QPCT: variants seen among roughly 807,000 people sequenced by gnomAD.
QPCT encodes the protein glutaminyl-peptide cyclotransferase, also known as EC.
A neutral mutation model predicts 43.4 loss-of-function variants in QPCT; 44 were observed. That is an observed-to-expected ratio of 1.01 (90% confidence interval 0.80 to 1.30). QPCT has a LOEUF of 1.30. QPCT is among the 50% of genes most tolerant of loss of function. QPCT has a pLI of 0.00. For missense variants in QPCT, 526 were observed against 436.5 expected, an observed-to-expected ratio of 1.21 and a Z score of -1.83; for synonymous variants, 168 against 168.4, an observed-to-expected ratio of 1.00 and a Z score of 0.02.
At position 37,347,152 on chromosome 2, in the gene QPCT, A is replaced by G. The variant is rs1376160202; in HGVS notation, c.120+2301A>G. The stretch of plus-strand genomic sequence containing the variant: ...TCTGGGTATGGGGTGTTTTATATAT[A>G]TATATATATATAACATATATATATA... On this transcript the variant is annotated intron_variant, in intron 1 of 6. Coordinates refer to ENST00000338415, the MANE Select transcript of QPCT (RefSeq NM_012413.4). Among the ~76,000 whole-genome samples the G allele has an allele frequency of 4.2e-5, 3 of 70,828 alleles. 1 individual carries two copies. The highest frequency in any genetic ancestry group is 2.0e-4 in the African/African-American group (3 of 14,970). The allele number at this position is 70,828 out of a possible 152,430, so 46.5% of individuals were successfully genotyped here.
At chr2:37,363,275 TC>T (rs1672890611) in intron 3 of QPCT, among the ~76,000 whole-genome samples, 1 of 152,080 alleles carries the variant, frequency 6.6e-6, no homozygotes, top group Non-Finnish European at 1.5e-5. Context: ...AATATCTTAT[TC>T]TTTAACATGA....
At chr2:37,365,379 T>C (rs1386410328) in intron 3 of QPCT, among the ~76,000 whole-genome samples, 3 of 152,214 alleles carry the variant, frequency 2.0e-5, no homozygotes, top group East Asian at 1.9e-4. Flanking sequence ...AGTTGACCAC[T>C]GGATGTAGCC....
At chr2:37,353,732 C>T (rs1054959333) in intron 2 of QPCT, among the ~76,000 whole-genome samples, 17 of 152,160 alleles carry the variant, frequency 1.1e-4, no homozygotes, top group African/African-American at 4.1e-4. Context: ...TTCAAACTAG[C>T]CCCATTTTAA....
chr2:37,353,475 A>T (rs916828728), intron 2 of QPCT, among the ~76,000 whole-genome samples: 3 of 152,242 alleles, frequency 2.0e-5, no homozygotes, highest in African/African-American at 7.2e-5. Flanking sequence ...ACGTACTGGC[A>T]TATTTAACTG....
At chr2:37,368,928 A>C (rs1673018527) in intron 4 of QPCT, among the ~76,000 whole-genome samples, 1 of 152,176 alleles carries the variant, frequency 6.6e-6, no homozygotes, top group South Asian at 2.1e-4. Context: ...CCTATGATGA[A>C]TATATTGAAT....
At chr2:37,349,806 G>A (rs1362234211) in intron 1 of QPCT, among the ~76,000 whole-genome samples, 4 of 144,746 alleles carry the variant, frequency 2.8e-5, no homozygotes, top group Non-Finnish European at 6.0e-5. Flanking sequence ...TGTGCATTCA[G>A]CTGATTTATT....
intron 2 of QPCT, 53 bp downstream of exon 2, chr2:37,352,988 T>C: frequency 6.4e-7 from 1 of 1,568,156 alleles, no homozygotes. Context: ...TGCTTTCTCA[T>C]GAGGGATAAT....
intron 5 of QPCT, among the ~76,000 whole-genome samples, chr2:37,370,566 C>A (rs982004562): frequency 5.3e-5 from 8 of 152,116 alleles, no homozygotes; most frequent in Non-Finnish European, 1.2e-4. Context: ...CTTCTATTTT[C>A]TACCTTATCC....
chr2:37,366,043 G>A (rs1165983607), intron 3 of QPCT, among the ~76,000 whole-genome samples: 2 of 152,210 alleles, frequency 1.3e-5, no homozygotes, highest in Admixed American at 6.5e-5. Context: ...GGGCAAGGGA[G>A]TTGAGGGTGT....
At chr2:37,350,172 C>G (rs1307531922) in intron 1 of QPCT, among the ~76,000 whole-genome samples, 4 of 152,148 alleles carry the variant, frequency 2.6e-5, no homozygotes, top group Non-Finnish European at 5.9e-5. Flanking sequence ...ACCGCAGATG[C>G]CAAAGCCTCA....
chr2:37,371,767 C>A (rs1202033570), intron 5 of QPCT, among the ~76,000 whole-genome samples: 1 of 152,138 alleles, frequency 6.6e-6, no homozygotes, highest in African/African-American at 2.4e-5. Flanking sequence ...TGCTGGACTC[C>A]AGCCCCAGAA....
chr2:37,358,753 C>T (rs1283613872), intron 2 of QPCT: 1 of 152,202 alleles, frequency 6.6e-6, no homozygotes, highest in African/African-American at 2.4e-5. Context: ...TCTCAACCTG[C>T]CTTGGGTGCA....
At chr2:37,350,164 C>T (rs776462355) in intron 1 of QPCT, among the ~76,000 whole-genome samples, 2 of 152,106 alleles carry the variant, frequency 1.3e-5, no homozygotes, top group Admixed American at 1.3e-4. Context: ...CAGAAAGCAC[C>T]GCAGATGCCA....
chr2:37,358,138 C>T (rs1486669456), intron 2 of QPCT, among the ~76,000 whole-genome samples: 2 of 148,074 alleles, frequency 1.4e-5, no homozygotes, highest in South Asian at 2.1e-4. Context: ...ACAGCCTGGG[C>T]ATGGTGGTTC....
In QPCT at chr2:37,344,633, C is replaced by A. The variant is rs1053073921; in HGVS notation, c.-99C>A. The A allele has an allele frequency of 1.4e-6, 2 of 1,465,384 alleles. No individual in the cohort carries two copies. Among genetic ancestry groups the A allele is most frequent in the Admixed American group, 2.3e-5 (1 of 43,734 alleles). 90.8% of individuals were successfully genotyped at this position (1,465,384 alleles called of 1,614,324 possible). A position where few individuals can be genotyped will look rare whatever the true frequency, so the allele number is the denominator to read the frequency against. Reference sequence around the variant, plus strand: ...GGGGCGATGGGAAGGCGGGCGCAGTCGACCCAAGGGTGGAGAAGAGGGAAG... The same window carrying A: ...GGGGCGATGGGAAGGCGGGCGCAGTAGACCCAAGGGTGGAGAAGAGGGAAG... On this transcript the variant is annotated 5_prime_UTR_variant, in exon 1 of 7. Coordinates refer to ENST00000338415, the MANE Select transcript of QPCT (RefSeq NM_012413.4).
At chr2:37,364,987 G>T (rs1237225699) in intron 3 of QPCT, among the ~76,000 whole-genome samples, 5 of 145,202 alleles carry the variant, frequency 3.4e-5, no homozygotes, top group African/African-American at 5.2e-5. Flanking sequence ...ACATACTAAG[G>T]CTCCGCCTCT....
intron 3 of QPCT, among the ~76,000 whole-genome samples, chr2:37,360,635 G>T (rs1672842507): frequency 6.6e-6 from 1 of 152,188 alleles, no homozygotes; most frequent in South Asian, 2.1e-4. Flanking sequence ...GATACAGTGG[G>T]GGTAAAGAAG....
intron 3 of QPCT, among the ~76,000 whole-genome samples, chr2:37,360,258 G>A (rs1572733877): frequency 6.6e-6 from 1 of 152,186 alleles, no homozygotes; most frequent in Non-Finnish European, 1.5e-5. Flanking sequence ...TGGCTCTTGG[G>A]TTGGAGGAGG....
chr2:37,372,953 T>C lies in QPCT; in HGVS notation c.*126T>C, dbSNP rs184944478. On this transcript the variant is annotated 3_prime_UTR_variant, in exon 7 of 7. Transcript: ENST00000338415. ...TCTATCCTATAGATCATCCTATTCT[T>C]ATGTGTCTTTGGTTATCAGATCAAT... 83 of 784,638 alleles carry C rather than the reference T, an allele frequency of 1.1e-4. No individual in the cohort carries two copies. The highest frequency in any genetic ancestry group is 3.5e-4 in the Middle Eastern group (1 of 2,876). 48.6% of individuals were successfully genotyped at this position (784,638 alleles called of 1,614,324 possible). A position where few individuals can be genotyped will look rare whatever the true frequency, so the allele number is the denominator to read the frequency against.
Sources: gnomAD v4.1 joint callset for allele counts (sites outside exome capture counted in the v4.1 genomes callset) on GRCh38, gnomAD v4.1.1 for gene constraint, MANE v1.5 for transcripts, NCBI Gene and HGNC (gene_info 2026-07-23, HGNC 2026-07-21) for gene names.